PAFAH1B1: variants seen among roughly 807,000 people sequenced by gnomAD.
PAFAH1B1 encodes platelet activating factor acetylhydrolase 1b regulatory subunit 1, also known as platelet-activating factor acetylhydrolase IB subunit beta.
PAFAH1B1 carries 2 observed loss-of-function variants against 57.5 expected under a neutral mutation model. The ratio of observed to expected loss-of-function variants is 0.03; its 90% CI spans 0.01 to 0.11. PAFAH1B1 has a LOEUF of 0.11. Ranked by LOEUF, PAFAH1B1 falls within the 10% of genes least tolerant of loss-of-function variation. PAFAH1B1 has a pLI of 1.00. For missense variants in PAFAH1B1, 257 were observed against 512.0 expected (o/e 0.50, Z 4.81); for synonymous variants, 152 against 169.6 (o/e 0.90, Z 0.81).
intron 9 of PAFAH1B1, among the ~76,000 whole-genome samples, chr17:2,678,630 G>A (rs2069313788): frequency 6.6e-6 from 1 of 152,108 alleles, no homozygotes; most frequent in African/African-American, 2.4e-5. Context: ...GCTCACACCT[G>A]TAATCCCAGG....
At chr17:2,638,998 C>T (rs2151635069) in intron 2 of PAFAH1B1, among the ~76,000 whole-genome samples, 1 of 152,218 alleles carries the variant, frequency 6.6e-6, no homozygotes, top group Admixed American at 6.5e-5. Flanking sequence ...CTCCTGGGTT[C>T]ACGCCATTCT....
At chr17:2,623,666 C>T (rs779703856) in intron 1 of PAFAH1B1, among the ~76,000 whole-genome samples, 36 of 148,868 alleles carry the variant, frequency 2.4e-4, no homozygotes, top group Non-Finnish European at 3.9e-4. Flanking sequence ...CTTGCTCTGT[C>T]GCCCAGGCTG....
chr17:2,657,574 G>C (rs1391538611), intron 2 of PAFAH1B1, among the ~76,000 whole-genome samples: 2 of 152,160 alleles, frequency 1.3e-5, no homozygotes, highest in Non-Finnish European at 2.9e-5. Context: ...GATGTTTTTA[G>C]GTAAACATTG....
intron 6 of PAFAH1B1, 38 bp from the exon 7 acceptor site, chr17:2,672,617 T>C (rs775095433): frequency 7.6e-7 from 1 of 1,318,992 alleles, no homozygotes; most frequent in Admixed American, 1.7e-5. Flanking sequence ...CTCTTGGTGG[T>C]ATATTACTTC....
chr17:2,616,942 G>A lies in PAFAH1B1; in HGVS notation c.-190-21157G>A, dbSNP rs568149665. 5.9e-5 allele frequency among the ~76,000 whole-genome samples: 9 copies of A among 152,016 alleles called. No individual in the cohort carries two copies. In the East Asian group the frequency reaches 1.2e-3, roughly 20 times the overall value. ...AAAAAAATTAGCCGGACCTGGTGGC[G>A]AGCGTCTGTAGTCCCAGCTACTCGG... On this transcript the variant is annotated intron_variant, in intron 1 of 10. Transcript: ENST00000397195.
intron 1 of PAFAH1B1, among the ~76,000 whole-genome samples, chr17:2,599,733 A>G (rs1263734581): frequency 6.6e-6 from 1 of 152,182 alleles, no homozygotes; most frequent in Non-Finnish European, 1.5e-5. Flanking sequence ...ATTCTTAAGT[A>G]TAAAAAGTGA....
At chr17:2,679,361 GATGATTAGATGGATGA>G (rs143764064) in intron 9 of PAFAH1B1, among the ~76,000 whole-genome samples, 125,735 of 150,218 alleles carry the variant, frequency 0.84, 53,890 homozygotes, top group East Asian at 0.93. Context: ...TAAATGGATG[GATGATTAGATGGATGA>G]ATGATTGGAT....
rs890681885 is a variant in PAFAH1B1, at chr17:2,656,107, G to T, written c.33-9265G>T. Among the ~76,000 whole-genome samples the T allele has an allele frequency of 2.6e-5, 4 of 151,990 alleles. No individual in the cohort carries two copies. The South Asian group carries it at 8.3e-4, about 32-fold the overall frequency. On this transcript the variant is annotated intron_variant, in intron 2 of 10. Coordinates refer to ENST00000397195, the MANE Select transcript of PAFAH1B1 (RefSeq NM_000430.4). The stretch of plus-strand genomic sequence containing the variant: ...CCGGCTAATTTTTTTTGTATTTTTA[G>T]TAGAGACGGGGTTTCACTATGTTGG...
intron 1 of PAFAH1B1, among the ~76,000 whole-genome samples, chr17:2,618,206 G>A (rs2068373011): frequency 6.6e-6 from 1 of 152,026 alleles, no homozygotes; most frequent in Non-Finnish European, 1.5e-5. Context: ...CCGAGATTGC[G>A]CCACTACACT....
In PAFAH1B1 at chr17:2,682,070, A is replaced by T. The variant is rs185431884; in HGVS notation, c.*268A>T. On this transcript the variant is annotated 3_prime_UTR_variant, in exon 11 of 11. Coordinates refer to ENST00000397195, the MANE Select transcript of PAFAH1B1 (RefSeq NM_000430.4). ...GGTCACACCAGGCCTAAGAAGGCAGAAGTTGAATCAATTGAACTAGGGCAC... is the reference window on the plus strand; with the variant it reads ...GGTCACACCAGGCCTAAGAAGGCAGTAGTTGAATCAATTGAACTAGGGCAC... The T allele has an allele frequency of 4.3e-5, 16 of 376,328 alleles. No individual in the cohort carries two copies. Among genetic ancestry groups the T allele is most frequent in the African/African-American group, 3.3e-4 (16 of 48,438 alleles). 23.3% of individuals were successfully genotyped at this position (376,328 alleles called of 1,614,324 possible).
At chr17:2,637,444 C>T (rs762130657) in intron 1 of PAFAH1B1, among the ~76,000 whole-genome samples, 1 of 151,896 alleles carries the variant, frequency 6.6e-6, no homozygotes, top group Non-Finnish European at 1.5e-5. Context: ...ATTAGCTGGG[C>T]ATGGTGGTGT....
upstream of PAFAH1B1, among the ~76,000 whole-genome samples, chr17:2,593,483 C>T (rs1567518776): frequency 6.6e-6 from 1 of 151,744 alleles, no homozygotes; most frequent in Non-Finnish European, 1.5e-5. Flanking sequence ...GCTCAGCCGC[C>T]CGCCCGCTAG....
chr17:2,670,011 T>A (rs1171275872), intron 5 of PAFAH1B1, 152 bp from the exon 6 acceptor site: 1 of 715,030 alleles, frequency 1.4e-6, no homozygotes, highest in Non-Finnish European at 2.5e-6. Flanking sequence ...GACCAATTTA[T>A]ACATGAGATA....
At chr17:2,599,822 TA>T (rs1274439742) in intron 1 of PAFAH1B1, among the ~76,000 whole-genome samples, 1 of 152,134 alleles carries the variant, frequency 6.6e-6, no homozygotes, top group Non-Finnish European at 1.5e-5. Context: ...AATTGACAGT[TA>T]ACTGAGGCCA....
At chr17:2,652,965 G>A (rs2068884202) in intron 2 of PAFAH1B1, among the ~76,000 whole-genome samples, 1 of 152,114 alleles carries the variant, frequency 6.6e-6, no homozygotes. Flanking sequence ...AAAGACACAT[G>A]CACACATATG....
rs925871321 is a variant in PAFAH1B1, at chr17:2,597,543, T to G, written c.-191+3537T>G. On this transcript the variant is annotated intron_variant, in intron 1 of 10. Transcript: ENST00000397195. ...CTCCTGTCTCAGCCTCTTGAGTAGT[T>G]GGGATTACAGGTGCCTGCCACTACA... 2.0e-5 allele frequency among the ~76,000 whole-genome samples: 3 copies of G among 151,308 alleles called. No individual in the cohort carries two copies. The East Asian group carries it at 5.8e-4, about 29-fold the overall frequency.
At chr17:2,597,403 CTTTTTTTTT>C (rs1187594089) in intron 1 of PAFAH1B1, among the ~76,000 whole-genome samples, 2 of 64,350 alleles carry the variant, frequency 3.1e-5, no homozygotes, top group Admixed American at 2.1e-4. Context: ...ACATCCGTGT[CTTTTTTTTT>C]TTTTTTTTTT....
chr17:2,621,395 A>G (rs1459450438), intron 1 of PAFAH1B1, among the ~76,000 whole-genome samples: 3 of 152,194 alleles, frequency 2.0e-5, no homozygotes, highest in African/African-American at 7.2e-5. Flanking sequence ...TGGAATTACT[A>G]TTCTAAACAT....
At position 2,674,255 on chromosome 17, in the gene PAFAH1B1, A is replaced by G. The variant is rs898061099; in HGVS notation, c.867A>G (p.Ser289=). ...GCATTTCCTGGGCTCCAGAAAGCTCATATTCCTCCATCTCTGAAGCAACAG... is the reference window on the plus strand; with the variant it reads ...GCATTTCCTGGGCTCCAGAAAGCTCGTATTCCTCCATCTCTGAAGCAACAG... ...VECISWAPES[S]YSSISEATGS... The change falls in exon 8 of 11, where the codon TCA becomes TCG. Residue 289 remains serine (S), a synonymous_variant. Transcript: ENST00000397195. The G allele has an allele frequency of 3.7e-6, 6 of 1,613,152 alleles. No individual in the cohort carries two copies. The highest frequency in any genetic ancestry group is 5.1e-6 in the Non-Finnish European group (6 of 1,179,102).
Sources: gnomAD v4.1 joint callset for allele counts (sites outside exome capture counted in the v4.1 genomes callset) on GRCh38, gnomAD v4.1.1 for gene constraint, MANE v1.5 for transcripts, NCBI Gene and HGNC (gene_info 2026-07-23, HGNC 2026-07-21) for gene names.